PRKCH: variants seen among roughly 807,000 people sequenced by gnomAD.
The protein encoded by PRKCH is protein kinase C eta type.
Under a neutral mutation model 82.5 loss-of-function variants are expected in PRKCH, and 28 were observed. The ratio of observed to expected loss-of-function variants is 0.34; its 90% CI spans 0.25 to 0.47. The LOEUF is 0.47. Ranked by LOEUF, PRKCH falls within the 20% of genes least tolerant of loss-of-function variation. PRKCH has a pLI of 1.00. For missense variants in PRKCH, 705 were observed against 881.8 expected (o/e 0.80, Z 2.54); for synonymous variants, 322 against 327.4 (o/e 0.98, Z 0.18).
intron 12 of PRKCH, chr14:61,544,796 C>T (rs1417941283): frequency 1.3e-5 from 2 of 152,244 alleles, no homozygotes; most frequent in African/African-American, 2.4e-5. Flanking sequence ...ATTTCTGTTA[C>T]TCAACACCAC....
chr14:61,473,864 G>A (rs183997675), intron 9 of PRKCH, among the ~76,000 whole-genome samples: 72 of 152,050 alleles, frequency 4.7e-4, no homozygotes, highest in African/African-American at 1.6e-3. Context: ...ATGGTGGCAC[G>A]CACCTGTAAT....
At chr14:61,276,498 G>A (rs1177896852) in intron 1 of PRKCH, among the ~76,000 whole-genome samples, 1 of 151,916 alleles carries the variant, frequency 6.6e-6, no homozygotes, top group Non-Finnish European at 1.5e-5. Context: ...TGTCACTACA[G>A]GCGCCCACCA....
rs573086877 is a variant in PRKCH at position 61,487,481 on chromosome 14, T to C, written c.1433+1825T>C. On this transcript the variant is annotated intron_variant, in intron 10 of 13. Coordinates refer to ENST00000332981, the MANE Select transcript of PRKCH (RefSeq NM_006255.5). ...TGGAGGTTGCTGGTATGATCTCTGATGGTGAAGGGAGTTAAGCGTCGTCCT... is the reference window on the plus strand; with the variant it reads ...TGGAGGTTGCTGGTATGATCTCTGACGGTGAAGGGAGTTAAGCGTCGTCCT... 5.3e-5 allele frequency among the ~76,000 whole-genome samples: 8 copies of C among 152,288 alleles called. No homozygotes were observed. In the South Asian group the frequency reaches 1.7e-3, roughly 32 times the overall value.
At chr14:61,258,613 C>G (rs1277379875) in intron 1 of PRKCH, among the ~76,000 whole-genome samples, 1 of 152,140 alleles carries the variant, frequency 6.6e-6, no homozygotes, top group African/African-American at 2.4e-5. Context: ...TTTATGAGAA[C>G]ACAGACATAG....
Position 61,545,813 on chromosome 14 carries a change from G to A in PRKCH, c.1762-1930G>A, listed in dbSNP as rs1190914306. Among the ~76,000 whole-genome samples, 8 of 152,304 alleles carry A rather than the reference G, an allele frequency of 5.3e-5. No individual in the cohort carries two copies. The East Asian group carries it at 1.5e-3, about 29-fold the overall frequency. On this transcript the variant is annotated intron_variant, in intron 12 of 13. Transcript: ENST00000332981. ...GCCTCTTCCACAGTGCCCCATGGAA[G>A]CTTGGGTTCAGTGCCAGGGGCAGGG...
At chr14:61,469,792 G>C (rs907294543) in intron 9 of PRKCH, among the ~76,000 whole-genome samples, 1 of 152,144 alleles carries the variant, frequency 6.6e-6, no homozygotes, top group Admixed American at 6.5e-5. Flanking sequence ...TAGCAGACTC[G>C]TCGTGTAGAG....
intron 1 of PRKCH, among the ~76,000 whole-genome samples, chr14:61,378,704 T>C (rs751482422): frequency 6.6e-6 from 1 of 152,204 alleles, no homozygotes; most frequent in Admixed American, 6.5e-5. Context: ...TTGGAGTCCC[T>C]GTCTCAGTTA....
Position 61,276,348 on chromosome 14 carries a change from C to CT in PRKCH, c.-19+88693dup, listed in dbSNP as rs369236321. ...TCCAATAAAAATAACAGAAGAGGGA[C>CT]TTTTTTTTTTTTTCTTTTTGTTTTT... On this transcript the variant is annotated intron_variant, in intron 1 of 3. Coordinates refer to the PRKCH transcript ENST00000555185. 2.7e-3 allele frequency among the ~76,000 whole-genome samples: 397 copies of CT among 144,402 alleles called. 1 individual carries two copies. The highest frequency in any genetic ancestry group is 7.1e-3 in the African/African-American group (280 of 39,400). The allele number at this position is 144,402 out of a possible 152,430, so 94.7% of individuals were successfully genotyped here. A position where few individuals can be genotyped will look rare whatever the true frequency, so the allele number is the denominator to read the frequency against.
intron 2 of PRKCH, among the ~76,000 whole-genome samples, chr14:61,430,920 A>C (rs1483426887): frequency 6.6e-6 from 1 of 152,082 alleles, no homozygotes. Context: ...ACGCCTGGCT[A>C]ATTTTTTATA....
intron 1 of PRKCH, among the ~76,000 whole-genome samples, chr14:61,229,788 T>C (rs10132414): frequency 0.015 from 2,222 of 152,240 alleles, 55 homozygotes; most frequent in African/African-American, 0.051. Flanking sequence ...TGGGCTCTAT[T>C]CCTTCTTCCA....
At chr14:61,304,796 T>G (rs1412942569) in intron 1 of PRKCH, 9 of 151,686 alleles carry the variant, frequency 5.9e-5, no homozygotes, top group Admixed American at 5.3e-4. Context: ...TTCACTCCAG[T>G]CTAGGCGACT....
At chr14:61,457,384 T>C in intron 8 of PRKCH, 65 bp downstream of exon 8, 1 of 1,600,134 alleles carries the variant, frequency 6.2e-7, no homozygotes, top group East Asian at 2.2e-5. Flanking sequence ...GGTGTGTGTG[T>C]GTGTGCACGC....
Position 61,550,060 on chromosome 14 carries a change from A to G in PRKCH, c.*229A>G. 1 of 475,188 alleles carries G rather than the reference A, an allele frequency of 2.1e-6. No homozygotes were observed. The highest frequency in any genetic ancestry group is 3.7e-6 in the Non-Finnish European group (1 of 269,284). 29.4% of individuals were successfully genotyped at this position (475,188 alleles called of 1,614,324 possible). ...ATAATGAAATGAGATTTTATGAAGT[A>G]TACCGCTCCACCTATGAGCGTCTGT... On this transcript the variant is annotated 3_prime_UTR_variant, in exon 14 of 14. Transcript: ENST00000332981.
In PRKCH at chr14:61,343,375, A is replaced by G. The variant is rs1417706077; in HGVS notation, c.363+20911A>G. 5.8e-5 allele frequency among the ~76,000 whole-genome samples: 7 copies of G among 120,968 alleles called. No individual in the cohort carries two copies. In the East Asian group the frequency reaches 1.2e-3, roughly 21 times the overall value. The allele number at this position is 120,968 out of a possible 152,430, so 79.4% of individuals were successfully genotyped here. ...TCAAAAAAAAAAAAAAAAAAAAAAA[A>G]GGAAAAACAGACACTAGACTGGATA... On this transcript the variant is annotated intron_variant, in intron 1 of 13. Coordinates refer to ENST00000332981, the MANE Select transcript of PRKCH (RefSeq NM_006255.5).
chr14:61,473,539 G>A (rs898241105), intron 9 of PRKCH, among the ~76,000 whole-genome samples: 1 of 152,206 alleles, frequency 6.6e-6, no homozygotes, highest in African/African-American at 2.4e-5. Context: ...AGTGGGAATG[G>A]CCAGGGCTCT....
intron 2 of PRKCH, among the ~76,000 whole-genome samples, chr14:61,395,246 G>A (rs1420676253): frequency 6.7e-6 from 1 of 150,240 alleles, no homozygotes; most frequent in Non-Finnish European, 1.5e-5. Context: ...CACATGCAGA[G>A]GACGTGATGG....
chr14:61,337,130 G>A, intron 1 of PRKCH, among the ~76,000 whole-genome samples: 2 of 130,274 alleles, frequency 1.5e-5, no homozygotes. Flanking sequence ...TGTATTCAAG[G>A]ACACCAACAA....
At chr14:61,257,236 C>T (rs1327300944) in intron 1 of PRKCH, among the ~76,000 whole-genome samples, 1 of 152,156 alleles carries the variant, frequency 6.6e-6, no homozygotes, top group Non-Finnish European at 1.5e-5. Context: ...TGTAAAAAAA[C>T]ACTGAGACAA....
chr14:61,375,945 A>G (rs2046422880), intron 1 of PRKCH, among the ~76,000 whole-genome samples: 1 of 149,950 alleles, frequency 6.7e-6, no homozygotes, highest in Non-Finnish European at 1.5e-5. Flanking sequence ...TGAACCCGGG[A>G]GGTAGAGGTT....
Sources: gnomAD v4.1 joint callset for allele counts (sites outside exome capture counted in the v4.1 genomes callset) on GRCh38, gnomAD v4.1.1 for gene constraint, MANE v1.5 for transcripts, NCBI Gene and HGNC (gene_info 2026-07-23, HGNC 2026-07-21) for gene names.